CADM2: variants seen among roughly 807,000 people sequenced by gnomAD.
CADM2 encodes the protein immunoglobulin superfamily member 4D.
A neutral mutation model predicts 49.8 loss-of-function variants in CADM2; 12 were observed. That is an observed-to-expected ratio of 0.24 (90% confidence interval 0.15 to 0.39). The LOEUF (loss-of-function observed/expected upper bound fraction) is 0.39, where lower values mean the gene tolerates loss of function less well. Ranked by LOEUF, CADM2 falls within the 10% of genes least tolerant of loss-of-function variation. The probability of loss-of-function intolerance (pLI) is 1.00; values close to 1 mark genes in which losing one functional copy is unlikely to be tolerated. For synonymous variants in CADM2, 214 were observed against 175.4 expected, an observed-to-expected ratio of 1.22 and a Z score of -1.74; for missense variants, 378 against 492.3, an observed-to-expected ratio of 0.77 and a Z score of 2.20.
At chr3:86,018,492 C>T (rs1308119945) in intron 8 of CADM2, among the ~76,000 whole-genome samples, 1 of 151,976 alleles carries the variant, frequency 6.6e-6, no homozygotes, top group East Asian at 1.9e-4. Flanking sequence ...ACAGTCCCAC[C>T]AACAGTGTAA....
At chr3:85,466,580 T>C (rs1356275214) in intron 1 of CADM2, among the ~76,000 whole-genome samples, 3 of 152,206 alleles carry the variant, frequency 2.0e-5, no homozygotes, top group Non-Finnish European at 4.4e-5. Flanking sequence ...GAATATAGTT[T>C]CAATCTCAAT....
chr3:85,894,808 C>T (rs1714995417), intron 5 of CADM2, among the ~76,000 whole-genome samples: 1 of 152,146 alleles, frequency 6.6e-6, no homozygotes, highest in Admixed American at 6.5e-5. Context: ...GGTGCAAGTC[C>T]CAAGCCTTAG....
At chr3:85,060,566 AAG>A (rs1489439442) in intron 1 of CADM2, among the ~76,000 whole-genome samples, 2 of 152,234 alleles carry the variant, frequency 1.3e-5, no homozygotes, top group African/African-American at 4.8e-5. Context: ...TTTAAGCTTT[AAG>A]TATTTTTATA....
intron 1 of CADM2, among the ~76,000 whole-genome samples, chr3:85,496,248 A>C (rs930627732): frequency 6.6e-6 from 1 of 152,076 alleles, no homozygotes. Flanking sequence ...CCATCGTTAT[A>C]TCTGTGTGAC....
chr3:85,973,367 G>C (rs957008114), intron 8 of CADM2, among the ~76,000 whole-genome samples: 1 of 151,814 alleles, frequency 6.6e-6, no homozygotes, highest in South Asian at 2.1e-4. Context: ...AACATAGCAA[G>C]ACCCCATCTT....
chr3:86,042,781 G>A (rs115882952), intron 8 of CADM2, among the ~76,000 whole-genome samples: 1 of 152,026 alleles, frequency 6.6e-6, no homozygotes, highest in African/African-American at 2.4e-5. Context: ...AACAAAAAAT[G>A]ACTATTTTAG....
chr3:85,410,772 G>C (rs897796753), intron 1 of CADM2, among the ~76,000 whole-genome samples: 1 of 152,128 alleles, frequency 6.6e-6, no homozygotes, highest in Non-Finnish European at 1.5e-5. Flanking sequence ...GCTCTTTGTA[G>C]GTGATAGTGA....
At chr3:85,951,922 T>C (rs1723472015) in intron 7 of CADM2, among the ~76,000 whole-genome samples, 2 of 150,820 alleles carry the variant, frequency 1.3e-5, no homozygotes. Flanking sequence ...ACAAATCTGA[T>C]TGACTGGATC....
At chr3:85,104,037 A>T (rs1323861935) in intron 1 of CADM2, among the ~76,000 whole-genome samples, 1 of 152,100 alleles carries the variant, frequency 6.6e-6, no homozygotes, top group African/African-American at 2.4e-5. Context: ...GCTGTGCAGA[A>T]GCTCTTTAGT....
intron 1 of CADM2, among the ~76,000 whole-genome samples, chr3:85,285,132 C>G (rs1395624507): frequency 6.6e-6 from 1 of 152,092 alleles, no homozygotes; most frequent in Non-Finnish European, 1.5e-5. Flanking sequence ...GACAAAGCTG[C>G]TATTTACTGG....
intron 2 of CADM2, among the ~76,000 whole-genome samples, chr3:85,732,190 G>A (rs1027466895): frequency 5.3e-5 from 8 of 151,770 alleles, no homozygotes; most frequent in African/African-American, 9.7e-5. Flanking sequence ...GAACCTGGGA[G>A]GCGGAGTTTG....
chr3:85,615,205 A>G (rs1029691933), intron 1 of CADM2, among the ~76,000 whole-genome samples: 4 of 151,830 alleles, frequency 2.6e-5, no homozygotes, highest in Non-Finnish European at 4.4e-5. Context: ...AGTACTACAG[A>G]AAGAGAGAGA....
At chr3:85,283,033 T>C (rs2043543115) in intron 1 of CADM2, among the ~76,000 whole-genome samples, 1 of 152,102 alleles carries the variant, frequency 6.6e-6, no homozygotes, top group Non-Finnish European at 1.5e-5. Flanking sequence ...AAATTTTATG[T>C]ATAAATAAAA....
Position 86,060,981 on chromosome 3 carries a change from C to CAATAATAAT in CADM2, c.971-4603_971-4595dup, listed in dbSNP as rs144216839. 7.4e-3 allele frequency among the ~76,000 whole-genome samples: 1,095 copies of CAATAATAAT among 147,968 alleles called. 9 individuals carry two copies. The highest frequency in any genetic ancestry group is 0.024 in the African/African-American group (962 of 40,550). ...TGGGCTACAGAGCAAGGCTATGTCT[C>CAATAATAAT]AATAATAATAATAATAATAATAATA... On this transcript the variant is annotated intron_variant, in intron 8 of 9. Coordinates refer to ENST00000383699, the MANE Select transcript of CADM2 (RefSeq NM_001167675.2).
At chr3:84,984,356 TAAAAAAAAAAAAA>T (rs375702349) in intron 1 of CADM2, among the ~76,000 whole-genome samples, 17 of 67,088 alleles carry the variant, frequency 2.5e-4, no homozygotes, top group South Asian at 1.7e-3. Context: ...AAGATTAAGC[TAAAAAAAAAAAAA>T]AAAAAAAAAA....
chr3:85,316,636 G>C (rs971875865), intron 1 of CADM2, among the ~76,000 whole-genome samples: 1 of 151,916 alleles, frequency 6.6e-6, no homozygotes, highest in Non-Finnish European at 1.5e-5. Context: ...ATATTTCCTT[G>C]TAATTTAATT....
chr3:85,368,018 A>G (rs2032924720), intron 1 of CADM2, among the ~76,000 whole-genome samples: 1 of 152,130 alleles, frequency 6.6e-6, no homozygotes, highest in African/African-American at 2.4e-5. Flanking sequence ...CGTAGAAGAA[A>G]TAACTGAAGA....
At chr3:86,021,181 G>T (rs1388509941) in intron 8 of CADM2, among the ~76,000 whole-genome samples, 1 of 152,060 alleles carries the variant, frequency 6.6e-6, no homozygotes, top group African/African-American at 2.4e-5. Context: ...TGTATTTTTA[G>T]TAGAGATGAG....
At chr3:85,994,005 C>T (rs923531414) in intron 8 of CADM2, 3 of 152,130 alleles carry the variant, frequency 2.0e-5, no homozygotes, top group Admixed American at 6.5e-5. Context: ...GCATTAACCC[C>T]TAACAAGCAA....
Sources: allele counts gnomAD v4.1 joint callset (sites outside exome capture counted in the v4.1 genomes callset), GRCh38; gene constraint gnomAD v4.1.1; transcripts MANE v1.5; gene names NCBI Gene and HGNC (gene_info 2026-07-23, HGNC 2026-07-21).